The following TRPC6 variants were observed in gnomAD, a reference collection of about 807,000 sequenced individuals.
TRPC6 encodes the protein short transient receptor potential channel 6.
A neutral mutation model predicts 90.7 loss-of-function variants in TRPC6; 55 were observed. The observed-to-expected ratio is 0.61, with a 90% CI of 0.49 to 0.76. TRPC6 has a LOEUF of 0.76. Among genes scored for constraint, TRPC6 ranks in the 30% least tolerant of loss-of-function variants. TRPC6 has a pLI of 0.00. For synonymous variants in TRPC6, 393 were observed against 393.0 expected (o/e 1.00, Z 0.00); for missense variants, 989 against 1,122.7 (o/e 0.88, Z 1.70).
Position 101,583,567 on chromosome 11 carries a change from G to A in TRPC6, c.-64C>T. On this transcript the variant is annotated 5_prime_UTR_variant, in exon 1 of 13. Coordinates refer to ENST00000344327, the MANE Select transcript of TRPC6 (RefSeq NM_004621.6). ...GGAGCCGAGTGGGCAGTTCCAGCGG[G>A]GACCCGGTGCGGAGGGTTCGCGTCA... The A allele has an allele frequency of 7.1e-7, 1 of 1,400,262 alleles. No individual in the cohort carries two copies. Among genetic ancestry groups the A allele is most frequent in the Middle Eastern group, 2.6e-4 (1 of 3,868 alleles). The allele number at this position is 1,400,262 out of a possible 1,614,324, so 86.7% of individuals were successfully genotyped here.
chr11:101,473,283 A>C lies in TRPC6; in HGVS notation c.2009+226T>G, dbSNP rs541539254. 3.9e-5 allele frequency among the ~76,000 whole-genome samples: 6 copies of C among 152,208 alleles called. No individual in the cohort carries two copies. In the East Asian group the frequency reaches 7.7e-4, roughly 20 times the overall value. On this transcript the variant is annotated intron_variant, in intron 7 of 12. Coordinates refer to ENST00000344327, the MANE Select transcript of TRPC6 (RefSeq NM_004621.6). ...ATAGAGATAATAAAGGGAGGCATGC[A>C]AGGTATTTACCTGGCTCTAAAAATG...
At chr11:101,471,132 C>T (rs1485248278) in intron 9 of TRPC6, 51 bp downstream of exon 9, 2 of 1,576,428 alleles carry the variant, frequency 1.3e-6, no homozygotes, top group Non-Finnish European at 1.7e-6. Flanking sequence ...ATAGTGGTTA[C>T]AGTAGTCACA....
At chr11:101,472,471 TTTC>T in intron 7 of TRPC6, 139 bp from the exon 8 acceptor site, 1 of 780,358 alleles carries the variant, frequency 1.3e-6, no homozygotes, top group Non-Finnish European at 2.0e-6. Flanking sequence ...GAAGCTCACT[TTTC>T]TTTTCTGTAA....
In TRPC6 at chr11:101,583,694, A is replaced by T. The variant is rs200317692; in HGVS notation, c.-191T>A. ...TGGCTCGCCCACTGGCCCGGGGAAA[A>T]GTCACCACTTAAGGGGGTGCAAAGA... On this transcript the variant is annotated 5_prime_UTR_variant, in exon 1 of 13. Coordinates refer to ENST00000344327, the MANE Select transcript of TRPC6 (RefSeq NM_004621.6). The T allele has an allele frequency of 3.6e-6, 2 of 554,742 alleles. No individual in the cohort carries two copies. The highest frequency in any genetic ancestry group is 5.9e-6 in the Non-Finnish European group (2 of 337,968). 34.4% of individuals were successfully genotyped at this position (554,742 alleles called of 1,614,324 possible).
intron 1 of TRPC6, among the ~76,000 whole-genome samples, chr11:101,553,222 T>C (rs572571739): frequency 3.3e-5 from 5 of 152,264 alleles, no homozygotes; most frequent in African/African-American, 7.2e-5. Flanking sequence ...AAGTTTACCA[T>C]TGAAACACTG....
intron 10 of TRPC6, among the ~76,000 whole-genome samples, 172 bp downstream of exon 10, chr11:101,469,255 A>G (rs1275327519): frequency 1.3e-5 from 2 of 152,216 alleles, no homozygotes. Flanking sequence ...CTTATCAAAC[A>G]TAGCTTATTT....
intron 1 of TRPC6, among the ~76,000 whole-genome samples, chr11:101,527,823 C>A (rs1167039201): frequency 6.6e-6 from 1 of 151,982 alleles, no homozygotes. Context: ...CCTGTAATCC[C>A]AGCACTTTGG....
chr11:101,452,813 G>T lies in TRPC6; in HGVS notation c.*142C>A. 1.1e-6 allele frequency: 1 copy of T among 912,530 alleles called. No homozygotes were observed. Among genetic ancestry groups the T allele is most frequent in the South Asian group, 1.6e-5 (1 of 63,994 alleles). The allele number at this position is 912,530 out of a possible 1,614,324, so 56.5% of individuals were successfully genotyped here. A position where few individuals can be genotyped will look rare whatever the true frequency, so the allele number is the denominator to read the frequency against. ...AATCACCAAAAAAATTAGATACTAG[G>T]GCTCCAGATGATAGGATGGCCCAAG... On this transcript the variant is annotated 3_prime_UTR_variant, in exon 13 of 13. Transcript: ENST00000344327.
chr11:101,520,403 T>G (rs919305978), intron 1 of TRPC6, among the ~76,000 whole-genome samples: 6 of 152,190 alleles, frequency 3.9e-5, no homozygotes, highest in African/African-American at 1.4e-4. Context: ...AGGTAGTTCT[T>G]TAGAGCAATG....
intron 1 of TRPC6, among the ~76,000 whole-genome samples, chr11:101,565,486 A>T (rs1003590130): frequency 7.9e-5 from 12 of 152,180 alleles, no homozygotes; most frequent in African/African-American, 2.6e-4. Context: ...GATAAAAATA[A>T]AATTCTGAGA....
intron 4 of TRPC6, among the ~76,000 whole-genome samples, chr11:101,483,719 A>G (rs1219932344): frequency 6.6e-6 from 1 of 152,218 alleles, no homozygotes; most frequent in Non-Finnish European, 1.5e-5. Context: ...GACAGTTCCT[A>G]CAGTGTATTG....
chr11:101,576,686 G>A lies in TRPC6; in HGVS notation c.170+6648C>T, dbSNP rs151293627. Reference sequence around the variant, plus strand: ...TATTTGGCATTTTTTATGAAAGAGGGAGAAAAATAAGAATGGACTCAAGAA... The same window carrying A: ...TATTTGGCATTTTTTATGAAAGAGGAAGAAAAATAAGAATGGACTCAAGAA... On this transcript the variant is annotated intron_variant, in intron 1 of 12. Transcript: ENST00000344327. Among the ~76,000 whole-genome samples, 420 of 152,220 alleles carry A rather than the reference G, an allele frequency of 2.8e-3. 2 individuals carry two copies. Among genetic ancestry groups the A allele is most frequent in the Non-Finnish European group, 4.7e-3 (322 of 67,998 alleles).
chr11:101,542,606 C>T (rs1260648266), intron 1 of TRPC6, among the ~76,000 whole-genome samples: 2 of 144,984 alleles, frequency 1.4e-5, no homozygotes, highest in Non-Finnish European at 3.0e-5. Flanking sequence ...AAAGCTACAG[C>T]ATTAAAAAAA....
At chr11:101,480,030 T>G (rs1859514397) in intron 5 of TRPC6, among the ~76,000 whole-genome samples, 1 of 151,786 alleles carries the variant, frequency 6.6e-6, no homozygotes, top group Non-Finnish European at 1.5e-5. Flanking sequence ...AGTACAAAAT[T>G]AGCCAGGCGT....
At chr11:101,559,843 T>A (rs1305144197) in intron 1 of TRPC6, among the ~76,000 whole-genome samples, 1 of 145,246 alleles carries the variant, frequency 6.9e-6, no homozygotes, top group Non-Finnish European at 1.5e-5. Flanking sequence ...GTCCAAGTGT[T>A]CTCATTGTTC....
intron 1 of TRPC6, among the ~76,000 whole-genome samples, chr11:101,566,266 C>G (rs4754779): frequency 0.62 from 94,043 of 152,028 alleles, 29,307 homozygotes; most frequent in Non-Finnish European, 0.66. Flanking sequence ...CTTTACTTAC[C>G]CATTCTTTTC....
intron 1 of TRPC6, among the ~76,000 whole-genome samples, chr11:101,507,113 C>T (rs868633562): frequency 4.6e-5 from 7 of 150,666 alleles, no homozygotes; most frequent in African/African-American, 1.7e-4. Context: ...TTTTAGATAA[C>T]TATTTACTGT....
At chr11:101,487,466 C>T (rs1000953793) in intron 4 of TRPC6, among the ~76,000 whole-genome samples, 4 of 152,004 alleles carry the variant, frequency 2.6e-5, no homozygotes, top group Admixed American at 6.6e-5. Context: ...TTTAGTACAC[C>T]AGTCACTCAA....
chr11:101,552,030 G>T (rs966082913), intron 1 of TRPC6, among the ~76,000 whole-genome samples: 1 of 152,036 alleles, frequency 6.6e-6, no homozygotes, highest in African/African-American at 2.4e-5. Flanking sequence ...GTCCAACTTT[G>T]GCCCAGGAGG....
Sources: allele counts gnomAD v4.1 joint callset (sites outside exome capture counted in the v4.1 genomes callset), GRCh38; gene constraint gnomAD v4.1.1; transcripts MANE v1.5; gene names NCBI Gene and HGNC (gene_info 2026-07-23, HGNC 2026-07-21).